RNF182: variants seen among roughly 807,000 people sequenced by gnomAD.
The protein encoded by RNF182 is E3 ubiquitin-protein ligase RNF182.
In RNF182, 15 loss-of-function variants were observed where a neutral mutation model predicts 14.4. The observed-to-expected ratio is 1.04, with a 90% CI of 0.70 to 1.60. RNF182 has a LOEUF of 1.60. Ranked by LOEUF, RNF182 falls within the 40% of genes most tolerant of loss-of-function variation. The pLI is 0.00. For missense variants in RNF182, 268 were observed against 294.8 expected (o/e 0.91, Z 0.67); for synonymous variants, 128 against 122.9 (o/e 1.04, Z -0.27).
intron 1 of RNF182, among the ~76,000 whole-genome samples, chr6:13,939,540 TA>T (rs1409727546): frequency 2.0e-5 from 3 of 151,862 alleles, no homozygotes; most frequent in African/African-American, 4.8e-5. Context: ...TATTTATTTT[TA>T]TTTTTTTATT....
rs150230772 is a variant in RNF182, at chr6:13,942,841, A to G, written c.-367+17818A>G. 1.4e-3 allele frequency among the ~76,000 whole-genome samples: 218 copies of G among 152,192 alleles called. 2 individuals are homozygous for G. The highest frequency in any genetic ancestry group is 4.9e-3 in the African/African-American group (205 of 41,508). On this transcript the variant is annotated intron_variant, in intron 1 of 2. Transcript: ENST00000488300. ...AAACTTTCTAATGACCTATGTTTCA[A>G]TTCACTAATGTTCTCATCTTCTGTT...
In RNF182 at chr6:13,977,788, C is replaced by T. The variant is rs146298832; in HGVS notation, c.669C>T (p.Leu223=). 2.9e-5 allele frequency: 47 copies of T among 1,614,072 alleles called. No individual in the cohort carries two copies. The highest frequency in any genetic ancestry group is 6.7e-5 in the East Asian group (3 of 44,886). ...VVFVSLVPSS[L]VILMVYGFCQ... The stretch of plus-strand genomic sequence containing the variant: ...TTGTCAGCCTGGTCCCTTCGAGCCT[C>T]GTTATTCTTATGGTGTATGGTTTTT... Residue 223 remains leucine, a synonymous_variant, in exon 3 of 3, where the codon CTC becomes CTT. Transcript: ENST00000488300.
chr6:13,937,967 A>G (rs1049112091), intron 1 of RNF182, among the ~76,000 whole-genome samples: 1 of 121,340 alleles, frequency 8.2e-6, no homozygotes, highest in Non-Finnish European at 1.8e-5. Flanking sequence ...CAGTTCAAAT[A>G]TTTTTGTCCA....
At chr6:13,925,930 C>G (rs1006264258) in intron 1 of RNF182, among the ~76,000 whole-genome samples, 1 of 151,992 alleles carries the variant, frequency 6.6e-6, no homozygotes, top group African/African-American at 2.4e-5. Context: ...TAGTTTGTTG[C>G]AGACGCGAAG....
intron 1 of RNF182, among the ~76,000 whole-genome samples, chr6:13,934,522 A>G (rs1759056480): frequency 6.6e-6 from 1 of 152,222 alleles, no homozygotes; most frequent in African/African-American, 2.4e-5. Flanking sequence ...TTCTCCAACA[A>G]TGTTTTTTTG....
chr6:13,928,638 T>C (rs1349216362), intron 1 of RNF182, among the ~76,000 whole-genome samples: 3 of 152,222 alleles, frequency 2.0e-5, no homozygotes, highest in Non-Finnish European at 4.4e-5. Flanking sequence ...ATTTTGAGTA[T>C]TTATAGACAT....
chr6:13,953,258 A>G (rs767492534), intron 1 of RNF182, among the ~76,000 whole-genome samples: 1 of 152,204 alleles, frequency 6.6e-6, no homozygotes, highest in Non-Finnish European at 1.5e-5. Context: ...TAGTTTGAAC[A>G]CTTCTGACAG....
At position 13,944,956 on chromosome 6, in the gene RNF182, G is replaced by C. The variant is rs972617511; in HGVS notation, c.-367+19933G>C. Among the ~76,000 whole-genome samples the C allele has an allele frequency of 5.9e-5, 9 of 152,222 alleles. 2 individuals carry two copies. In the Middle Eastern group the frequency reaches 0.024, roughly 405 times the overall value. On this transcript the variant is annotated intron_variant, in intron 1 of 2. Coordinates refer to ENST00000488300, the MANE Select transcript of RNF182 (RefSeq NM_152737.4). ...TTAAGATTGCTAAGCTGCTTACTAA[G>C]TGCCTGATCCTAAGAAGAACATTTA...
rs557043314 is a variant in RNF182, at chr6:13,969,707, A to G, written c.-366-4503A>G. 5.3e-5 allele frequency among the ~76,000 whole-genome samples: 8 copies of G among 152,342 alleles called. No homozygotes were observed. The South Asian group carries it at 6.2e-4, about 12-fold the overall frequency. ...TTTATTATTTAGGGCTGTGAAAACA[A>G]TCATTTGCCCAATAGTCCAGGAGCT... On this transcript the variant is annotated intron_variant, in intron 1 of 2. Coordinates refer to ENST00000488300, the MANE Select transcript of RNF182 (RefSeq NM_152737.4).
intron 1 of RNF182, among the ~76,000 whole-genome samples, chr6:13,940,449 C>T (rs1478084992): frequency 6.6e-6 from 1 of 152,132 alleles, no homozygotes; most frequent in East Asian, 1.9e-4. Context: ...GTGTAAGTAG[C>T]TGAATAGTGC....
Position 13,977,992 on chromosome 6 carries a change from A to G in RNF182, c.*129A>G, listed in dbSNP as rs1760386925. 2.8e-6 allele frequency: 3 copies of G among 1,060,166 alleles called. No individual in the cohort carries two copies. The highest frequency in any genetic ancestry group is 2.5e-5 in the Admixed American group (1 of 40,784). 65.7% of individuals were successfully genotyped at this position (1,060,166 alleles called of 1,614,324 possible). On this transcript the variant is annotated 3_prime_UTR_variant, in exon 3 of 3. Coordinates refer to ENST00000488300, the MANE Select transcript of RNF182 (RefSeq NM_152737.4). ...TGACATTAACAAAACCCTTGGCCAC[A>G]TGTTGACTTGATTGGTTTTCCTGTA...
intron 1 of RNF182, among the ~76,000 whole-genome samples, chr6:13,955,198 T>C (rs746103315): frequency 6.6e-6 from 1 of 152,166 alleles, no homozygotes; most frequent in Non-Finnish European, 1.5e-5. Context: ...CATGAATGGG[T>C]ACAACTACGT....
intron 1 of RNF182, among the ~76,000 whole-genome samples, chr6:13,968,238 GAAAC>G (rs1443522135): frequency 1.3e-5 from 2 of 152,144 alleles, no homozygotes; most frequent in Admixed American, 6.5e-5. Context: ...AGTGAGAAAA[GAAAC>G]AATCAGGGGC....
intron 1 of RNF182, among the ~76,000 whole-genome samples, chr6:13,964,489 T>A (rs1209279669): frequency 6.6e-6 from 1 of 152,182 alleles, no homozygotes; most frequent in East Asian, 1.9e-4. Context: ...GCAAGGATTC[T>A]TGAAAGATAG....
In RNF182 at chr6:13,978,252, TGA is replaced by T. The variant is rs1760394642; in HGVS notation, c.*392_*393del. On this transcript the variant is annotated 3_prime_UTR_variant, in exon 3 of 3. Coordinates refer to ENST00000488300, the MANE Select transcript of RNF182 (RefSeq NM_152737.4). ...GTTGGACACAAGAGGAAAGTTGCTC[TGA>T]GACACAAAGTGTGTACTCCTTTCCC... The T allele has an allele frequency of 5.4e-6, 1 of 185,670 alleles. No homozygotes were observed. Among genetic ancestry groups the T allele is most frequent in the Non-Finnish European group, 1.3e-5 (1 of 78,470 alleles). The allele number at this position is 185,670 out of a possible 1,614,324, so 11.5% of individuals were successfully genotyped here. A position where few individuals can be genotyped will look rare whatever the true frequency, so the allele number is the denominator to read the frequency against.
At chr6:13,933,657 A>C (rs1759031903) in intron 1 of RNF182, among the ~76,000 whole-genome samples, 1 of 152,194 alleles carries the variant, frequency 6.6e-6, no homozygotes, top group South Asian at 2.1e-4. Context: ...ATTTTGCACA[A>C]ACTATTTCGA....
chr6:13,955,537 A>G (rs1376908642), intron 1 of RNF182, among the ~76,000 whole-genome samples: 3 of 152,204 alleles, frequency 2.0e-5, no homozygotes, highest in Non-Finnish European at 4.4e-5. Flanking sequence ...TGGCTTTTTA[A>G]CATACTTGGT....
At chr6:13,942,921 G>A (rs1441652652) in intron 1 of RNF182, among the ~76,000 whole-genome samples, 14 of 151,746 alleles carry the variant, frequency 9.2e-5, no homozygotes, top group East Asian at 1.9e-4. Flanking sequence ...TAACTTATAC[G>A]CCATAAAATT....
intron 1 of RNF182, among the ~76,000 whole-genome samples, chr6:13,970,338 G>A (rs1382305508): frequency 6.6e-6 from 1 of 152,124 alleles, no homozygotes; most frequent in Non-Finnish European, 1.5e-5. Flanking sequence ...GCTCCCATAT[G>A]AGTGAGAACA....
Sources: allele counts gnomAD v4.1 joint callset (sites outside exome capture counted in the v4.1 genomes callset), GRCh38; gene constraint gnomAD v4.1.1; transcripts MANE v1.5; gene names NCBI Gene and HGNC (gene_info 2026-07-23, HGNC 2026-07-21).